Variants in CCDC149 observed in about 807,000 individuals in gnomAD.
CCDC149 encodes the protein coiled-coil domain-containing protein 149.
In CCDC149, 45 loss-of-function variants were observed where a neutral mutation model predicts 59.9. The ratio of observed to expected loss-of-function variants is 0.75; its 90% confidence interval spans 0.59 to 0.96. CCDC149 has a LOEUF of 0.96. CCDC149 is among the 40% of genes least tolerant of loss of function. The pLI, the probability that CCDC149 is intolerant of heterozygous loss-of-function variation, is 0.00. For missense variants in CCDC149, 584 were observed against 664.7 expected, an observed-to-expected ratio of 0.88 and a Z score of 1.33; for synonymous variants, 245 against 260.6, an observed-to-expected ratio of 0.94 and a Z score of 0.58.
intron 1 of CCDC149, among the ~76,000 whole-genome samples, chr4:24,923,121 G>T (rs1722344324): frequency 6.6e-6 from 1 of 152,070 alleles, no homozygotes; most frequent in South Asian, 2.1e-4. Context: ...AGCTCAGGAG[G>T]GTCACAGTCT....
chr4:24,932,565 G>A (rs113573887), intron 1 of CCDC149, among the ~76,000 whole-genome samples: 1 of 152,140 alleles, frequency 6.6e-6, no homozygotes, highest in Non-Finnish European at 1.5e-5. Flanking sequence ...AGTCTATTTG[G>A]TCTTCTTTTG....
At chr4:24,918,790 CA>C (rs954631106) in intron 1 of CCDC149, among the ~76,000 whole-genome samples, 1 of 152,166 alleles carries the variant, frequency 6.6e-6, no homozygotes, top group African/African-American at 2.4e-5. Context: ...AGCTCACAGC[CA>C]TGGTGTGTCA....
intron 7 of CCDC149, among the ~76,000 whole-genome samples, chr4:24,835,687 T>C (rs887386614): frequency 6.6e-6 from 1 of 152,186 alleles, no homozygotes; most frequent in Non-Finnish European, 1.5e-5. Context: ...ACTGGTATAA[T>C]GTGTGGCTCC....
At chr4:24,893,186 T>C (rs1401690097) in intron 1 of CCDC149, among the ~76,000 whole-genome samples, 1 of 152,166 alleles carries the variant, frequency 6.6e-6, no homozygotes, top group Non-Finnish European at 1.5e-5. Context: ...TTCCTCCTTC[T>C]TGCCACATAG....
At chr4:24,819,719 A>AC (rs1419128566) in intron 12 of CCDC149, 140 bp downstream of exon 12, 2 of 718,420 alleles carry the variant, frequency 2.8e-6, no homozygotes, top group African/African-American at 1.7e-5. Context: ...CACATAAGCA[A>AC]CAAGAGGAAA....
At chr4:24,846,342 G>A (rs1400637661) in intron 4 of CCDC149, among the ~76,000 whole-genome samples, 1 of 152,150 alleles carries the variant, frequency 6.6e-6, no homozygotes, top group Admixed American at 6.5e-5. Flanking sequence ...AATTTCTATA[G>A]TGCCCCAAGG....
At chr4:24,952,629 ATATATATAT>A in intron 1 of CCDC149, among the ~76,000 whole-genome samples, 3 of 11,646 alleles carry the variant, frequency 2.6e-4, no homozygotes, top group Non-Finnish European at 4.7e-4. Context: ...AAAAAAAAAT[ATATATATAT>A]ATATATATAT....
chr4:24,819,089 C>T (rs1715194010), intron 12 of CCDC149, among the ~76,000 whole-genome samples: 1 of 152,240 alleles, frequency 6.6e-6, no homozygotes, highest in Admixed American at 6.5e-5. Flanking sequence ...CCTTCCAGAA[C>T]ACCCTGCCTC....
chr4:24,845,175 CA>C (rs1472081801), intron 4 of CCDC149, among the ~76,000 whole-genome samples: 1 of 152,174 alleles, frequency 6.6e-6, no homozygotes, highest in Non-Finnish European at 1.5e-5. Context: ...ATTTAATCCT[CA>C]CAAAAGGCAA....
chr4:24,822,593 T>C lies in CCDC149; in HGVS notation c.966-20A>G. The C allele has an allele frequency of 1.3e-5, 19 of 1,514,488 alleles. No individual in the cohort carries two copies. The highest frequency in any genetic ancestry group is 1.7e-5 in the Non-Finnish European group (19 of 1,126,106). The allele number at this position is 1,514,488 out of a possible 1,614,324, so 93.8% of individuals were successfully genotyped here. On this transcript the variant is annotated intron_variant, in intron 9 of 12. Transcript: ENST00000635206. ...AGGATTCTGAAAAAAGGGGAGAAAA[T>C]GACAATCAATTACTGAGCATCCTGT... is the stretch of plus-strand genomic sequence containing the variant.
chr4:24,852,281 A>T (rs1717706165), intron 4 of CCDC149, among the ~76,000 whole-genome samples: 3 of 127,278 alleles, frequency 2.4e-5, no homozygotes, highest in South Asian at 5.1e-4. Context: ...CCCCTCCAAC[A>T]CACCATACAC....
intron 1 of CCDC149, among the ~76,000 whole-genome samples, chr4:24,893,053 C>T (rs1357618038): frequency 6.6e-6 from 1 of 152,138 alleles, no homozygotes; most frequent in Admixed American, 6.5e-5. Context: ...GAGGGCAGAG[C>T]CTTCCTGACC....
At chr4:24,874,244 G>GTTTTTTTTTTTTTTGT (rs1719242804) in intron 2 of CCDC149, among the ~76,000 whole-genome samples, 2 of 87,486 alleles carry the variant, frequency 2.3e-5, no homozygotes, top group African/African-American at 1.2e-4. Flanking sequence ...TATTAGATTT[G>GTTTTTTTTTTTTTTGT]TTTTTTTTTT....
At chr4:24,884,822 T>C (rs1720060613) in intron 1 of CCDC149, among the ~76,000 whole-genome samples, 1 of 152,232 alleles carries the variant, frequency 6.6e-6, no homozygotes, top group South Asian at 2.1e-4. Context: ...ATGTTAATGA[T>C]CATTACTACT....
Position 24,837,223 on chromosome 4 carries a change from C to T in CCDC149, c.662+5G>A. 6.2e-7 allele frequency: 1 copy of T among 1,614,096 alleles called. No homozygotes were observed. Among genetic ancestry groups the T allele is most frequent in the East Asian group, 2.2e-5 (1 of 44,880 alleles). On this transcript the variant is annotated splice_donor_5th_base_variant and intron_variant, in intron 6 of 12. Transcript: ENST00000635206. The surrounding 1 kb of genome is among the most constrained non-coding windows in gnomAD (Gnocchi z 4.3). ...CCACGCACAGGCCTGGGCCTGGCCA[C>T]TTGCCTGTTCTCCATACACAGGGCG... is the stretch of plus-strand genomic sequence containing the variant.
At chr4:24,812,355 T>G (rs567037045) in intron 12 of CCDC149, among the ~76,000 whole-genome samples, 2 of 152,212 alleles carry the variant, frequency 1.3e-5, no homozygotes, top group Non-Finnish European at 2.9e-5. Context: ...TCATTCATTC[T>G]CACTCATTAG....
intron 1 of CCDC149, among the ~76,000 whole-genome samples, chr4:24,900,611 T>C (rs781023490): frequency 3.9e-5 from 6 of 152,244 alleles, no homozygotes; most frequent in Non-Finnish European, 7.3e-5. Flanking sequence ...TCTAAGGAGC[T>C]TGTCAACTTA....
At chr4:24,809,755 C>T (rs571543970) in intron 12 of CCDC149, among the ~76,000 whole-genome samples, 2 of 152,194 alleles carry the variant, frequency 1.3e-5, no homozygotes, top group African/African-American at 4.8e-5. Context: ...GAATGAGGGG[C>T]CCCCAGGAAC....
chr4:24,916,746 A>T (rs1452238052), upstream of CCDC149, among the ~76,000 whole-genome samples: 2 of 150,970 alleles, frequency 1.3e-5, no homozygotes, highest in Non-Finnish European at 3.0e-5. Context: ...AAGAAACTCA[A>T]TCTGGGCAGA....
Sources: gnomAD v4.1 joint callset for allele counts (sites outside exome capture counted in the v4.1 genomes callset) on GRCh38, gnomAD v4.1.1 for gene constraint, Gnocchi (gnomAD v3.1) non-coding constraint, MANE v1.5 for transcripts, NCBI Gene and HGNC (gene_info 2026-07-23, HGNC 2026-07-21) for gene names.